Variants in KDM5D observed in about 807,000 individuals in gnomAD.
KDM5D encodes the protein lysine-specific demethylase 5D.
In KDM5D, 25 loss-of-function variants were observed where a neutral mutation model predicts 31.9. The ratio of observed to expected loss-of-function variants is 0.78; its 90% CI spans 0.57 to 1.09. The LOEUF (loss-of-function observed/expected upper bound fraction) is 1.09, where lower values mean the gene tolerates loss of function less well. Ranked by LOEUF, KDM5D falls within the 50% of genes least tolerant of loss-of-function variation. The probability of loss-of-function intolerance (pLI) is 0.00; values close to 1 mark genes in which losing one functional copy is unlikely to be tolerated. For missense variants in KDM5D, 366 were observed against 341.6 expected (o/e 1.07, Z -0.56); for synonymous variants, 146 against 122.3 (o/e 1.19, Z -1.28).
intron 13 of KDM5D, among the ~76,000 whole-genome samples, chrY:19,718,971 C>A (rs1048684424): frequency 3.1e-5 from 1 of 31,826 alleles, no homozygotes; most frequent in Non-Finnish European, 7.7e-5. Context: ...GAGATCGAGA[C>A]CATCCCGGCT....
At chrY:19,727,152 C>G in intron 11 of KDM5D, among the ~76,000 whole-genome samples, 2 of 33,397 alleles carry the variant, frequency 6.0e-5, no homozygotes, top group Non-Finnish European at 1.5e-4. Context: ...GATGACAATT[C>G]GGGTCAACCA....
At chrY:19,710,525 A>C in intron 18 of KDM5D, 53 bp from the exon 19 acceptor site, 1 of 232,544 alleles carries the variant, frequency 4.3e-6, no homozygotes, top group Middle Eastern at 7.9e-4. Context: ...ACAATTTGAG[A>C]CTTTTAATAT....
intron 13 of KDM5D, among the ~76,000 whole-genome samples, chrY:19,717,843 T>A: frequency 2.9e-5 from 1 of 33,947 alleles, no homozygotes; most frequent in South Asian, 6.6e-4. Flanking sequence ...TTAGTTATTA[T>A]CATTATTGTT....
intron 11 of KDM5D, among the ~76,000 whole-genome samples, chrY:19,724,673 C>G (rs936415381): frequency 3.0e-5 from 1 of 33,592 alleles, no homozygotes; most frequent in Non-Finnish European, 7.4e-5. Flanking sequence ...AGGATGCCCT[C>G]TCTCACTACT....
At position 19,706,183 on chromosome Y, in the gene KDM5D, G is replaced by C; in HGVS notation, c.4432C>G (p.Arg1478Gly). 2.6e-6 allele frequency: 1 copy of C among 391,128 alleles called. No homozygotes were observed. The highest frequency in any genetic ancestry group is 7.9e-5 in the Admixed American group (1 of 12,734). Reference protein sequence around the residue: ...RSSGIMSQVGREEEHYQEKAD... With the variant: ...RSSGIMSQVGGEEEHYQEKAD... ...TTCTCCTGATAATGTTCTTCTTCTC[G>C]GCCCACCTGAGACATAATCCCTGAG... Residue 1478 changes from arginine (R) to glycine (G), a missense_variant, in exon 27 of 27, where the codon CGA becomes GGA. Arg to Gly is a moderately radical substitution (Grantham distance 125, BLOSUM62 -2). Transcript: ENST00000317961.
rs2045265233 is a variant in KDM5D, at chrY:19,708,345, C to A, written c.3160G>T (p.Glu1054Ter). ...VGRDLPVGLEELRQLELQVLT... is the reference protein window; with the variant it reads ...VGRDLPVGLE ...ACCTGCAGCTCTAGCTGTCTCAGCT[C>A]TTCCAGCCCCACAGGCAGGTCCCGG... Residue 1054 changes from glutamate (E) to a stop codon, truncating the protein, a stop_gained, in exon 22 of 27, where the codon GAG becomes TAG. Coordinates refer to ENST00000317961, the MANE Select transcript of KDM5D (RefSeq NM_004653.5). LOFTEE classifies it high-confidence loss of function. 5.1e-6 allele frequency: 2 copies of A among 393,499 alleles called. No individual in the cohort carries two copies. The highest frequency in any genetic ancestry group is 7.1e-6 in the Non-Finnish European group (2 of 280,985).
Position 19,709,582 on chromosome Y carries a change from C to A in KDM5D, c.2811G>T (p.Met937Ile). 2.5e-6 allele frequency: 1 copy of A among 398,744 alleles called. No homozygotes were observed. The highest frequency in any genetic ancestry group is 3.5e-6 in the Non-Finnish European group (1 of 283,512). Residue 937 changes from methionine to isoleucine, a missense_variant, in exon 20 of 27, where the codon ATG becomes ATT. Physicochemically the swap from Met to Ile is conservative, Grantham distance 10 (BLOSUM62 1). Transcript: ENST00000317961. Reference protein sequence around the residue: ...PSAHRGSLVIMQGLLVMGAKI... With the variant: ...PSAHRGSLVIIQGLLVMGAKI... ...TGGCACCCATAACCAAAAGCCCCTG[C>A]ATGATGACCAGAGAGCCCCTGTGAG...
intron 11 of KDM5D, among the ~76,000 whole-genome samples, chrY:19,729,817 T>C: frequency 3.0e-5 from 1 of 33,673 alleles, no homozygotes; most frequent in Non-Finnish European, 7.4e-5. Context: ...TGGGAACATA[T>C]CATACCCACA....
At chrY:19,724,006 T>G (rs751094841) in intron 11 of KDM5D, among the ~76,000 whole-genome samples, 20 of 33,698 alleles carry the variant, frequency 5.9e-4, no homozygotes, top group Admixed American at 2.4e-3. Context: ...CAGTAGACAC[T>G]CCTCTTAAAA....
chrY:19,714,792 C>T, intron 18 of KDM5D, among the ~76,000 whole-genome samples: 1 of 33,300 alleles, frequency 3.0e-5, no homozygotes, highest in Non-Finnish European at 7.4e-5. Context: ...TTAAGTGATG[C>T]CTGACTGTAC....
Position 19,706,647 on chromosome Y carries a change from G to A in KDM5D, c.4070-7C>T, listed in dbSNP as rs1603545684. The A allele has an allele frequency of 1.5e-5, 6 of 397,517 alleles. No homozygotes were observed. Among genetic ancestry groups the A allele is most frequent in the South Asian group, 6.0e-5 (2 of 33,600 alleles). On this transcript the variant is annotated splice_polypyrimidine_tract_variant and splice_region_variant and intron_variant, in intron 25 of 26. Transcript: ENST00000317961. Reference sequence around the variant, plus strand: ...GAGGACAGTAGCTCCAGGTCTGGGCGGAAGGTGGTGCGGTGAAAGGTGCAG... The same window carrying A: ...GAGGACAGTAGCTCCAGGTCTGGGCAGAAGGTGGTGCGGTGAAAGGTGCAG...
chrY:19,716,797 G>C, intron 13 of KDM5D, 82 bp from the exon 14 acceptor site: 1 of 269,980 alleles, frequency 3.7e-6, no homozygotes, highest in Admixed American at 8.4e-5. Context: ...TCTAGATGCT[G>C]TAACAGATGT....
rs771957697 is a variant in KDM5D at position 19,732,655 on chromosome Y, T to C, written c.1021A>G (p.Ile341Val). Residue 341 changes from isoleucine (I) to valine (V), a missense_variant, in exon 9 of 27, where the codon ATC becomes GTC. Coordinates refer to ENST00000317961, the MANE Select transcript of KDM5D (RefSeq NM_004653.5). The stretch of plus-strand genomic sequence containing the variant: ...GGAAGGGGTGGTAACAAGCAGAAGA[T>C]GTGGTAATTGTCATCACAGCCATCA... ...FCDGCDDNYH[I>V]FCLLPPLPEI... The C allele has an allele frequency of 5.1e-6, 2 of 390,357 alleles. No individual in the cohort carries two copies. The highest frequency in any genetic ancestry group is 7.2e-6 in the Non-Finnish European group (2 of 278,070).
intron 18 of KDM5D, among the ~76,000 whole-genome samples, chrY:19,712,035 T>C (rs2045301816): frequency 8.9e-5 from 3 of 33,594 alleles, no homozygotes; most frequent in Admixed American, 8.1e-4. Context: ...TTTGAAAAAA[T>C]TACTTATATT....
At position 19,725,818 on chromosome Y, in the gene KDM5D, T is replaced by C; in HGVS notation, c.1372-4507A>G. Among the ~76,000 whole-genome samples, 3 of 31,628 alleles carry C rather than the reference T, an allele frequency of 9.5e-5. No homozygotes were observed. In the East Asian group the frequency reaches 2.5e-3, roughly 26 times the overall value. 84.9% of individuals were successfully genotyped at this position (31,628 alleles called of 37,273 possible). A position where few individuals can be genotyped will look rare whatever the true frequency, so the allele number is the denominator to read the frequency against. ...ATCTATCCATCCGATAAAGGGCTAATATCAAGAATCTACAAAGAACTTAAA... is the reference window on the plus strand; with the variant it reads ...ATCTATCCATCCGATAAAGGGCTAACATCAAGAATCTACAAAGAACTTAAA... On this transcript the variant is annotated intron_variant, in intron 11 of 26. Coordinates refer to ENST00000317961, the MANE Select transcript of KDM5D (RefSeq NM_004653.5).
intron 6 of KDM5D, among the ~76,000 whole-genome samples, 166 bp downstream of exon 6, chrY:19,739,362 A>C: frequency 2.9e-5 from 1 of 33,909 alleles, no homozygotes; most frequent in Non-Finnish European, 7.3e-5. Flanking sequence ...ACAAAATATT[A>C]TAAACCAGAC....
intron 26 of KDM5D, 35 bp downstream of exon 26, chrY:19,706,406 T>C: frequency 2.6e-6 from 1 of 391,423 alleles, no homozygotes; most frequent in Non-Finnish European, 3.6e-6. Context: ...CTGCTGGACC[T>C]GATCTCCTGC....
At chrY:19,712,716 C>T (rs2045307579) in intron 18 of KDM5D, among the ~76,000 whole-genome samples, 1 of 34,408 alleles carries the variant, frequency 2.9e-5, no homozygotes, top group East Asian at 7.5e-4. Flanking sequence ...AAGATGGTAA[C>T]ATTCAGAATC....
chrY:19,731,377 A>G, intron 11 of KDM5D, among the ~76,000 whole-genome samples: 1 of 33,465 alleles, frequency 3.0e-5, no homozygotes, highest in Non-Finnish European at 7.4e-5. Flanking sequence ...TATGTTCGAC[A>G]TGAACACAAA....
Sources: gnomAD v4.1 joint callset for allele counts (sites outside exome capture counted in the v4.1 genomes callset) on GRCh38, gnomAD v4.1.1 for gene constraint, MANE v1.5 for transcripts, NCBI Gene and HGNC (gene_info 2026-07-23, HGNC 2026-07-21) for gene names.